PEAR1: variants seen among roughly 807,000 people sequenced by gnomAD.
The protein encoded by PEAR1 is multiple EGF-like domains protein 12.
A neutral mutation model predicts 131.2 loss-of-function variants in PEAR1; 113 were observed. The observed-to-expected ratio is 0.86, with a 90% CI of 0.74 to 1.01. The LOEUF is 1.01. PEAR1 is among the 50% of genes least tolerant of loss of function. The probability of loss-of-function intolerance (pLI) is 0.00; values close to 1 mark genes in which losing one functional copy is unlikely to be tolerated. For missense variants in PEAR1, 1,408 were observed against 1,391.1 expected (o/e 1.01, Z -0.19); for synonymous variants, 565 against 523.3 (o/e 1.08, Z -1.09).
chr1:156,909,925 G>A lies in PEAR1; in HGVS notation c.1575+11G>A. On this transcript the variant is annotated intron_variant, in intron 12 of 22. Coordinates refer to ENST00000292357, the MANE Select transcript of PEAR1 (RefSeq NM_001080471.3). ...CAGCTGCCCTGTCCGGTGAGTGCTG[G>A]ACAGCCTGTCTGCCTGGGGGTGGGG... The A allele has an allele frequency of 6.2e-7, 1 of 1,611,404 alleles. No individual in the cohort carries two copies. Among genetic ancestry groups the A allele is most frequent in the East Asian group, 2.2e-5 (1 of 44,872 alleles).
chr1:156,916,237 A>T lies in PEAR1; in HGVS notation c.*1439A>T, dbSNP rs1446845480. ...TGCTTTAAGCAAATCTGTTGGCACC[A>T]TTTTTCCAATAGCATGTGCCCATTT... On this transcript the variant is annotated 3_prime_UTR_variant, in exon 23 of 23. Transcript: ENST00000292357. The T allele has an allele frequency of 2.6e-5, 4 of 152,274 alleles. No homozygotes were observed. The East Asian group carries it at 5.8e-4, about 22-fold the overall frequency. 9.4% of individuals were successfully genotyped at this position (152,274 alleles called of 1,614,324 possible). A position where few individuals can be genotyped will look rare whatever the true frequency, so the allele number is the denominator to read the frequency against.
intron 6 of PEAR1, among the ~76,000 whole-genome samples, chr1:156,907,250 T>G (rs1317498468): frequency 6.6e-6 from 1 of 152,026 alleles, no homozygotes; most frequent in East Asian, 1.9e-4. Context: ...AGGGAGAAGG[T>G]AGACCTAGGT....
At chr1:156,904,090 C>A (rs1649965826) in intron 2 of PEAR1, 63 bp downstream of exon 2, 2 of 1,354,952 alleles carry the variant, frequency 1.5e-6, no homozygotes, top group Non-Finnish European at 2.1e-6. Flanking sequence ...TCCCTATTGT[C>A]CCTACTGGGG....
chr1:156,913,711 AAGCTACAGCTAT>A lies in PEAR1; in HGVS notation c.2674_2685del (p.Tyr892_Ser895del). On this transcript the variant is annotated inframe_deletion, in exon 21 of 23. Transcript: ENST00000292357. ...CCTCAGGGAGCAGCCGCCTGGACCGAAGCTACAGCTATAGCTACAGCAATGGCCCAGGCCCAT... is the reference window on the plus strand; with the variant it reads ...CCTCAGGGAGCAGCCGCCTGGACCGAAGCTACAGCAATGGCCCAGGCCCAT... 2 of 1,614,082 alleles carry A rather than the reference AAGCTACAGCTAT, an allele frequency of 1.2e-6. No homozygotes were observed. The highest frequency in any genetic ancestry group is 2.7e-5 in the African/African-American group (2 of 75,054).
chr1:156,911,531 G>A (rs905332470), intron 15 of PEAR1, among the ~76,000 whole-genome samples: 4 of 151,796 alleles, frequency 2.6e-5, no homozygotes, highest in African/African-American at 4.8e-5. Context: ...TGATCCATCC[G>A]CCTCAGGTGA....
Position 156,909,102 on chromosome 1 carries a change from A to G in PEAR1, c.1411+66A>G. The G allele has an allele frequency of 3.1e-6, 5 of 1,602,000 alleles. No homozygotes were observed. In the South Asian group the frequency reaches 5.6e-5, roughly 18 times the overall value. ...GGCCAAGGGAAGAAGGGAGAGTCCA[A>G]GAGTATGGGTGGGCCAAGGGCAGGG... is the stretch of plus-strand genomic sequence containing the variant. On this transcript the variant is annotated intron_variant, in intron 11 of 22. Transcript: ENST00000292357.
intron 1 of PEAR1, among the ~76,000 whole-genome samples, chr1:156,899,902 C>T (rs1344575772): frequency 6.6e-6 from 1 of 152,094 alleles, no homozygotes; most frequent in Non-Finnish European, 1.5e-5. Context: ...TGGGGAAGTC[C>T]CTTCTGCTGT....
At chr1:156,906,399 T>G (rs1278591471) in intron 5 of PEAR1, 31 bp downstream of exon 5, 1 of 1,609,524 alleles carries the variant, frequency 6.2e-7, no homozygotes, top group African/African-American at 1.3e-5. Context: ...GGGAGTGGCC[T>G]CTTGTGCCTT....
In PEAR1 at chr1:156,912,367, G is replaced by A; in HGVS notation, c.2072G>A (p.Cys691Tyr). The A allele has an allele frequency of 6.2e-7, 1 of 1,612,978 alleles. No individual in the cohort carries two copies. The highest frequency in any genetic ancestry group is 8.5e-7 in the Non-Finnish European group (1 of 1,179,562). Residue 691 changes from cysteine to tyrosine, a missense_variant, in exon 16 of 23, where the codon TGC becomes TAC. Physicochemically the swap from Cys to Tyr is radical, Grantham distance 194. Coordinates refer to ENST00000292357, the MANE Select transcript of PEAR1 (RefSeq NM_001080471.3). ...CCCCTAGGCTGGACTGGACACCACT[G>A]CTTAGAAGGTACCAACAGAAGGGGA... ...ICPLGWTGHHCLEGCPLGTFG... is the reference protein window; with the variant it reads ...ICPLGWTGHHYLEGCPLGTFG...
At chr1:156,912,396 C>T (rs201049430) in intron 16 of PEAR1, 21 bp downstream of exon 16, 2 of 1,608,752 alleles carry the variant, frequency 1.2e-6, no homozygotes, top group East Asian at 4.5e-5. Flanking sequence ...AAGGGGAACT[C>T]CAGGCCCCTG....
At chr1:156,910,136 T>C in intron 13 of PEAR1, 28 bp downstream of exon 13, 1 of 1,613,842 alleles carries the variant, frequency 6.2e-7, no homozygotes, top group Non-Finnish European at 8.5e-7. Context: ...CCAGGCCTAC[T>C]GTGGATTGGG....
chr1:156,908,385 G>T lies in PEAR1; in HGVS notation c.1115+45G>T. 1 of 1,457,910 alleles carries T rather than the reference G, an allele frequency of 6.9e-7. No individual in the cohort carries two copies. 90.3% of individuals were successfully genotyped at this position (1,457,910 alleles called of 1,614,324 possible). On this transcript the variant is annotated intron_variant, in intron 9 of 22. Transcript: ENST00000292357. The surrounding 1 kb of genome is among the most constrained non-coding windows in gnomAD (Gnocchi z 4.2). The stretch of plus-strand genomic sequence containing the variant: ...GTCAAAGGATCAGGAGGCCAATGGG[G>T]AGGTCTTCCTGGCCGAAGTCACCAC...
Position 156,906,770 on chromosome 1 carries a change from T to C in PEAR1, c.534T>C (p.Cys178=). The change falls in exon 6 of 23, where the codon TGT becomes TGC. Residue 178 remains cysteine (C), a synonymous_variant. Coordinates refer to ENST00000292357, the MANE Select transcript of PEAR1 (RefSeq NM_001080471.3). The stretch of plus-strand genomic sequence containing the variant: ...AGCCCCCGAACTGCCTTCAGCCCTG[T>C]ACCCCTGGCTACTATGGCCCTGCCT... The part of the protein sequence containing the change: ...GLQPPNCLQP[C]TPGYYGPACQ... The C allele has an allele frequency of 6.2e-7, 1 of 1,614,240 alleles. No homozygotes were observed. The highest frequency in any genetic ancestry group is 8.5e-7 in the Non-Finnish European group (1 of 1,180,048).
chr1:156,913,765 G>A lies in PEAR1; in HGVS notation c.2713+5G>A. 1 of 1,613,630 alleles carries A rather than the reference G, an allele frequency of 6.2e-7. No individual in the cohort carries two copies. Among genetic ancestry groups the A allele is most frequent in the Non-Finnish European group, 8.5e-7 (1 of 1,179,686 alleles). ...CAGGCCCATTCTACAATAAAGGTAT[G>A]GGCACAGGGGCAACAAGGGAGGTGG... On this transcript the variant is annotated splice_donor_5th_base_variant and intron_variant, in intron 21 of 22. Coordinates refer to ENST00000292357, the MANE Select transcript of PEAR1 (RefSeq NM_001080471.3).
chr1:156,898,795 T>C (rs1401802597), intron 1 of PEAR1, among the ~76,000 whole-genome samples: 1 of 152,188 alleles, frequency 6.6e-6, no homozygotes, highest in African/African-American at 2.4e-5. Flanking sequence ...GCTTCCACTC[T>C]GTCCTTGAAA....
intron 1 of PEAR1, among the ~76,000 whole-genome samples, chr1:156,899,574 C>T (rs915563346): frequency 6.6e-6 from 1 of 152,104 alleles, no homozygotes; most frequent in African/African-American, 2.4e-5. Flanking sequence ...GAATTAATAC[C>T]CAAAGGCGCC....
chr1:156,905,297 T>C, intron 3 of PEAR1, 27 bp from the exon 4 acceptor site: 1 of 1,604,156 alleles, frequency 6.2e-7, no homozygotes, highest in Non-Finnish European at 8.5e-7. Flanking sequence ...CAGGGAGGGC[T>C]GAGGGCCGCC....
chr1:156,911,080 T>TCTTTC (rs1553269262), intron 15 of PEAR1, among the ~76,000 whole-genome samples: 40 of 138,130 alleles, frequency 2.9e-4, no homozygotes, highest in African/African-American at 8.4e-4. Flanking sequence ...TTTCTTTCTT[T>TCTTTC]CTTTCTTTCT....
chr1:156,913,630 G>T, intron 20 of PEAR1, 62 bp from the exon 21 acceptor site: 1 of 1,599,274 alleles, frequency 6.3e-7, no homozygotes. Flanking sequence ...CCCATTTCTA[G>T]AGGAAGTGTG....
Sources: gnomAD v4.1 joint callset for allele counts (sites outside exome capture counted in the v4.1 genomes callset) on GRCh38, gnomAD v4.1.1 for gene constraint, Gnocchi (gnomAD v3.1) non-coding constraint, MANE v1.5 for transcripts, NCBI Gene and HGNC (gene_info 2026-07-23, HGNC 2026-07-21) for gene names.